The following GLDC variants were observed in gnomAD, a reference collection of about 807,000 sequenced individuals.
GLDC encodes the protein glycine dehydrogenase (decarboxylating), mitochondrial.
GLDC carries 104 observed loss-of-function variants against 121.3 expected under a neutral mutation model. That is an observed-to-expected ratio of 0.86 (90% confidence interval 0.73 to 1.01). GLDC has a LOEUF of 1.01. Among genes scored for constraint, GLDC ranks in the 50% least tolerant of loss-of-function variants. The pLI, the probability that GLDC is intolerant of heterozygous loss-of-function variation, is 0.00. For missense variants in GLDC, 1,429 were observed against 1,306.6 expected, an observed-to-expected ratio of 1.09 and a Z score of -1.44; for synonymous variants, 546 against 480.6, an observed-to-expected ratio of 1.14 and a Z score of -1.78.
intron 2 of GLDC, among the ~76,000 whole-genome samples, chr9:6,642,047 T>G (rs766302603): frequency 1.4e-4 from 22 of 152,184 alleles, no homozygotes; most frequent in Admixed American, 2.6e-4. Flanking sequence ...GAGTCAAAAT[T>G]CATCCTTTGC....
chr9:6,534,876 A>G (rs1408598563), intron 23 of GLDC, 88 bp from the exon 24 acceptor site: 3 of 752,372 alleles, frequency 4.0e-6, no homozygotes, highest in Non-Finnish European at 4.9e-6. Flanking sequence ...ATCTTCTGAC[A>G]GGAGCCCAGG....
chr9:6,619,146 C>CAAAAAAAAAA (rs1162280442), intron 3 of GLDC, among the ~76,000 whole-genome samples: 2 of 60,674 alleles, frequency 3.3e-5, no homozygotes, highest in Non-Finnish European at 6.2e-5. Context: ...CTGTCTCAGG[C>CAAAAAAAAAA]AAAAAAAAAA....
chr9:6,554,018 G>C (rs1056966169), intron 19 of GLDC, among the ~76,000 whole-genome samples: 3 of 151,976 alleles, frequency 2.0e-5, no homozygotes, highest in Non-Finnish European at 4.4e-5. Context: ...GAAGAAAAAA[G>C]TAAGAAGGCC....
chr9:6,561,854 A>C (rs1017319039), intron 16 of GLDC, among the ~76,000 whole-genome samples: 1 of 152,206 alleles, frequency 6.6e-6, no homozygotes, highest in African/African-American at 2.4e-5. Context: ...AGGGTTAAGG[A>C]GATCTCCTGT....
At chr9:6,642,663 C>T (rs1031851063) in intron 2 of GLDC, among the ~76,000 whole-genome samples, 2 of 152,144 alleles carry the variant, frequency 1.3e-5, no homozygotes, top group African/African-American at 4.8e-5. Flanking sequence ...AAGAACTAAA[C>T]TAAAAAAGGA....
At chr9:6,578,663 CA>C (rs1427314226) in intron 15 of GLDC, among the ~76,000 whole-genome samples, 1 of 152,142 alleles carries the variant, frequency 6.6e-6, no homozygotes, top group East Asian at 1.9e-4. Flanking sequence ...CCTCAGCCCC[CA>C]AAGTAGCTGG....
At chr9:6,609,437 A>T (rs1004892400) in intron 4 of GLDC, among the ~76,000 whole-genome samples, 1 of 152,118 alleles carries the variant, frequency 6.6e-6, no homozygotes, top group Non-Finnish European at 1.5e-5. Context: ...ACCCTTGACC[A>T]CAGTGCCAGG....
At chr9:6,615,101 C>A (rs370210991) in intron 3 of GLDC, among the ~76,000 whole-genome samples, 1 of 152,168 alleles carries the variant, frequency 6.6e-6, no homozygotes, top group Non-Finnish European at 1.5e-5. Flanking sequence ...TATCTCTTGC[C>A]TCTCAATGGA....
chr9:6,639,668 A>ATATATATATATAT, intron 2 of GLDC: 4 of 250,598 alleles, frequency 1.6e-5, no homozygotes, highest in African/African-American at 1.0e-4. Context: ...ATAAAAAAAA[A>ATATATATATATAT]GTATATATAT....
chr9:6,640,424 C>T (rs982269909), intron 2 of GLDC, among the ~76,000 whole-genome samples: 3 of 152,196 alleles, frequency 2.0e-5, no homozygotes, highest in Non-Finnish European at 2.9e-5. Flanking sequence ...GCCTAGTTGC[C>T]CCTGGGGTCA....
chr9:6,601,141 C>G (rs1818602060), intron 8 of GLDC, among the ~76,000 whole-genome samples: 1 of 152,122 alleles, frequency 6.6e-6, no homozygotes, highest in South Asian at 2.1e-4. Flanking sequence ...CCACTGCACT[C>G]CAGCCTGGGC....
chr9:6,593,869 T>G (rs947702617), intron 9 of GLDC, among the ~76,000 whole-genome samples: 5 of 151,712 alleles, frequency 3.3e-5, no homozygotes, highest in Non-Finnish European at 7.4e-5. Flanking sequence ...ATTTTTGTAT[T>G]TTTAGTAGAG....
rs56187490 is a variant in GLDC, at chr9:6,624,632, A to G, written c.335-4313T>C. On this transcript the variant is annotated intron_variant, in intron 2 of 24. Coordinates refer to ENST00000321612, the MANE Select transcript of GLDC (RefSeq NM_000170.3). ...CAGCCATAGGAAACTAATTAAAAAA[A>G]CTGTATCAGTCATTTTTAGGAGACA... Among the ~76,000 whole-genome samples, 465 of 152,346 alleles carry G rather than the reference A, an allele frequency of 3.1e-3. 3 individuals are homozygous for G. The highest frequency in any genetic ancestry group is 0.011 in the African/African-American group (441 of 41,574).
chr9:6,559,623 T>TG (rs1312072239), intron 16 of GLDC, among the ~76,000 whole-genome samples: 30 of 151,264 alleles, frequency 2.0e-4, no homozygotes, highest in Admixed American at 2.0e-3. Flanking sequence ...AAGACCAGCC[T>TG]GGCCAACATG....
At chr9:6,572,096 C>G (rs1012468747) in intron 15 of GLDC, among the ~76,000 whole-genome samples, 2 of 151,870 alleles carry the variant, frequency 1.3e-5, no homozygotes, top group East Asian at 3.9e-4. Context: ...CTGGGAAAAA[C>G]AAAAAACAGA....
chr9:6,557,269 C>A lies in GLDC; in HGVS notation c.2053-967G>T, dbSNP rs28404672. Among the ~76,000 whole-genome samples the A allele has an allele frequency of 6.3e-3, 953 of 152,056 alleles. 10 individuals carry two copies. The highest frequency in any genetic ancestry group is 0.021 in the African/African-American group (878 of 41,502). On this transcript the variant is annotated intron_variant, in intron 17 of 24. Transcript: ENST00000321612. ...TGTATAGAAACATCACTATATACCC[C>A]ATGACTATGTACAACTATTGTCATT...
chr9:6,623,881 G>A (rs1311796295), intron 2 of GLDC, among the ~76,000 whole-genome samples: 1 of 152,206 alleles, frequency 6.6e-6, no homozygotes, highest in Non-Finnish European at 1.5e-5. Flanking sequence ...GAATGATTCA[G>A]ACGCCCAGTA....
At chr9:6,628,700 C>G (rs1819300205) in intron 2 of GLDC, among the ~76,000 whole-genome samples, 1 of 152,158 alleles carries the variant, frequency 6.6e-6, no homozygotes. Flanking sequence ...GTGATTGCAC[C>G]AATGCACTCC....
chr9:6,600,117 A>G (rs1177715964), intron 8 of GLDC, among the ~76,000 whole-genome samples: 2 of 152,184 alleles, frequency 1.3e-5, no homozygotes, highest in African/African-American at 2.4e-5. Context: ...CTATAATCCT[A>G]TCACTATGGG....
Sources: gnomAD v4.1 joint callset for allele counts (sites outside exome capture counted in the v4.1 genomes callset) on GRCh38, gnomAD v4.1.1 for gene constraint, MANE v1.5 for transcripts, NCBI Gene and HGNC (gene_info 2026-07-23, HGNC 2026-07-21) for gene names.